Variants in NKD2 observed in about 807,000 individuals in gnomAD.
NKD2 encodes the protein protein naked cuticle homolog 2.
Under a neutral mutation model 34.8 loss-of-function variants are expected in NKD2, and 43 were observed. That is an observed-to-expected ratio of 1.24 (90% CI 0.97 to 1.60). NKD2 has a LOEUF of 1.60. Ranked by LOEUF, NKD2 falls within the 40% of genes most tolerant of loss-of-function variation. The pLI is 0.00. For synonymous variants in NKD2, 278 were observed against 265.1 expected (o/e 1.05, Z -0.47); for missense variants, 675 against 627.1 (o/e 1.08, Z -0.82).
In NKD2 at chr5:1,027,291, C is replaced by G. The variant is rs1864095; in HGVS notation, c.142-4861C>G. ...GAGGTGCCTATGGATCTAGGGGTGCCAGGTGCTGCTGGTGGCGATGAAAGC... is the reference window on the plus strand; with the variant it reads ...GAGGTGCCTATGGATCTAGGGGTGCGAGGTGCTGCTGGTGGCGATGAAAGC... On this transcript the variant is annotated intron_variant, in intron 3 of 9. Coordinates refer to ENST00000296849, the MANE Select transcript of NKD2 (RefSeq NM_033120.4). 9.2e-4 allele frequency among the ~76,000 whole-genome samples: 140 copies of G among 152,346 alleles called. 5 individuals are homozygous for G. In the East Asian group the frequency reaches 0.023, roughly 25 times the overall value.
chr5:1,010,370 TC>T (rs1755705287), intron 3 of NKD2, among the ~76,000 whole-genome samples: 1 of 151,588 alleles, frequency 6.6e-6, no homozygotes, highest in Non-Finnish European at 1.5e-5. Flanking sequence ...TCCCCCACTG[TC>T]CCCAGAGGTC....
rs1176135887 is a variant in NKD2 at position 1,008,837 on chromosome 5, C to T, written c.-221C>T. 5.2e-5 allele frequency: 16 copies of T among 305,466 alleles called. No individual in the cohort carries two copies. Among genetic ancestry groups the T allele is most frequent in the African/African-American group, 3.1e-4 (14 of 45,298 alleles). 18.9% of individuals were successfully genotyped at this position (305,466 alleles called of 1,614,324 possible). ...GGGCCGCCGTCGCTGCCGCCGCTGT[C>T]CCCGCGCCCTGCGCCCGGTGGCCCC... is the stretch of plus-strand genomic sequence containing the variant. On this transcript the variant is annotated 5_prime_UTR_variant, in exon 1 of 10. Transcript: ENST00000296849.
At chr5:1,012,312 C>T (rs1389050594) in intron 3 of NKD2, among the ~76,000 whole-genome samples, 1 of 152,228 alleles carries the variant, frequency 6.6e-6, no homozygotes, top group African/African-American at 2.4e-5. Context: ...AGCGAACACT[C>T]GTGACAGACC....
chr5:1,016,856 C>G (rs1021304887), intron 3 of NKD2, among the ~76,000 whole-genome samples: 10 of 152,186 alleles, frequency 6.6e-5, no homozygotes, highest in African/African-American at 2.2e-4. Flanking sequence ...CCGACCTCAT[C>G]CTCGTTTCCC....
intron 3 of NKD2, among the ~76,000 whole-genome samples, chr5:1,022,508 G>A (rs1362517482): frequency 6.2e-5 from 1 of 16,212 alleles, no homozygotes; most frequent in African/African-American, 8.4e-5. Flanking sequence ...GCTAGTGGGT[G>A]TCCCAGCCCT....
chr5:1,032,321 A>G (rs535904904), intron 4 of NKD2, 109 bp downstream of exon 4: 3 of 841,080 alleles, frequency 3.6e-6, no homozygotes, highest in African/African-American at 1.7e-5. Context: ...GAGCGAGGGC[A>G]CTTCCCAGGC....
At chr5:1,037,588 G>A (rs562647927) in intron 9 of NKD2, 46 of 1,535,892 alleles carry the variant, frequency 3.0e-5, no homozygotes, top group African/African-American at 4.1e-5. Context: ...TAGAGGAGTC[G>A]GCCTTTGCAG....
intron 7 of NKD2, 106 bp from the exon 8 acceptor site, chr5:1,035,283 T>TGAA: frequency 1.2e-6 from 1 of 833,754 alleles, no homozygotes; most frequent in Non-Finnish European, 1.8e-6. Flanking sequence ...AACCAGTGAG[T>TGAA]TAATGAATGA....
chr5:1,024,019 G>T (rs67862313), intron 3 of NKD2, among the ~76,000 whole-genome samples: 8 of 4,314 alleles, frequency 1.9e-3, no homozygotes, highest in African/African-American at 2.0e-3. Context: ...CTTCCCACCC[G>T]CTGTGGGCGT....
At chr5:1,016,994 C>G (rs1755982984) in intron 3 of NKD2, among the ~76,000 whole-genome samples, 1 of 152,096 alleles carries the variant, frequency 6.6e-6, no homozygotes, top group Admixed American at 6.5e-5. Context: ...ACAGAGCCGA[C>G]CCCATCCTCC....
intron 4 of NKD2, 30 bp from the exon 5 acceptor site, chr5:1,033,342 C>T (rs1436021147): frequency 4.4e-6 from 7 of 1,573,928 alleles, no homozygotes; most frequent in African/African-American, 4.1e-5. Flanking sequence ...TGCCCTCTGC[C>T]AGCCCCTTCG....
At chr5:1,015,974 C>T (rs1321021738) in intron 3 of NKD2, among the ~76,000 whole-genome samples, 1 of 152,244 alleles carries the variant, frequency 6.6e-6, no homozygotes, top group Non-Finnish European at 1.5e-5. Context: ...TGTCACAGAT[C>T]ATGACCGTCA....
intron 3 of NKD2, among the ~76,000 whole-genome samples, chr5:1,011,307 C>T (rs955244401): frequency 6.6e-6 from 1 of 152,200 alleles, no homozygotes; most frequent in African/African-American, 2.4e-5. Context: ...CCAGGTGCGC[C>T]CTCACCTGGC....
Position 1,038,231 on chromosome 5 carries a change from C to T in NKD2, c.1214C>T (p.Thr405Ile). The T allele has an allele frequency of 3.1e-6, 5 of 1,591,314 alleles. No individual in the cohort carries two copies. Among genetic ancestry groups the T allele is most frequent in the Non-Finnish European group, 4.3e-6 (5 of 1,171,438 alleles). Reference sequence around the variant, plus strand: ...AAGGCCCCACACGCTCAGCCTGCCACAGTGGAGCACGAGGTGGTGCGGGAC... The same window carrying T: ...AAGGCCCCACACGCTCAGCCTGCCATAGTGGAGCACGAGGTGGTGCGGGAC... ...PLKAPHAQPA[T>I]VEHEVVRDLP... Residue 405 changes from threonine to isoleucine, a missense_variant, in exon 10 of 10, where the codon ACA becomes ATA. Thr to Ile is a moderately conservative substitution (Grantham distance 89). Transcript: ENST00000296849. The surrounding 1 kb of genome is among the most constrained non-coding windows in gnomAD (Gnocchi z 4.5).
intron 4 of NKD2, 55 bp downstream of exon 4, chr5:1,032,267 C>A: frequency 6.9e-7 from 1 of 1,441,422 alleles, no homozygotes; most frequent in Non-Finnish European, 9.7e-7. Context: ...TCATCCCGTA[C>A]CAAGGCAACG....
Position 1,036,890 on chromosome 5 carries a change from G to A in NKD2, c.787+506G>A, listed in dbSNP as rs767742305. On this transcript the variant is annotated intron_variant, in intron 9 of 9. Coordinates refer to ENST00000296849, the MANE Select transcript of NKD2 (RefSeq NM_033120.4). ...ATGGCAGGCAGGCAGTGTGGATGGCGGGCAGTGTGGATGGCAGCCAGGCAG... is the reference window on the plus strand; with the variant it reads ...ATGGCAGGCAGGCAGTGTGGATGGCAGGCAGTGTGGATGGCAGCCAGGCAG... 77 of 440,540 alleles carry A rather than the reference G, an allele frequency of 1.7e-4. 1 individual carries two copies. Among genetic ancestry groups the A allele is most frequent in the Admixed American group, 3.6e-4 (15 of 41,470 alleles). 27.3% of individuals were successfully genotyped at this position (440,540 alleles called of 1,614,324 possible). A position where few individuals can be genotyped will look rare whatever the true frequency, so the allele number is the denominator to read the frequency against.
intron 3 of NKD2, among the ~76,000 whole-genome samples, chr5:1,026,686 C>T (rs912881049): frequency 5.9e-5 from 9 of 152,238 alleles, no homozygotes; most frequent in South Asian, 2.1e-4. Flanking sequence ...AGCTCCAGCC[C>T]GTGTGCCATA....
intron 3 of NKD2, among the ~76,000 whole-genome samples, chr5:1,018,086 C>T (rs1029351997): frequency 2.0e-5 from 3 of 152,194 alleles, no homozygotes; most frequent in South Asian, 4.1e-4. Flanking sequence ...GCCTGGAGGA[C>T]GGGACGGTAG....
chr5:1,014,753 C>G (rs1755881491), intron 3 of NKD2, among the ~76,000 whole-genome samples: 1 of 152,208 alleles, frequency 6.6e-6, no homozygotes, highest in East Asian at 1.9e-4. Flanking sequence ...CTCCTGTCCT[C>G]CACCCCCGCT....
Sources: allele counts gnomAD v4.1 joint callset (sites outside exome capture counted in the v4.1 genomes callset), GRCh38; gene constraint gnomAD v4.1.1; non-coding constraint Gnocchi (gnomAD v3.1); transcripts MANE v1.5; gene names NCBI Gene and HGNC (gene_info 2026-07-23, HGNC 2026-07-21).